Variants in SPATA16 observed in about 807,000 individuals in gnomAD.
SPATA16 encodes the protein spermatogenesis-associated protein 16.
SPATA16 carries 36 observed loss-of-function variants against 63.3 expected under a neutral mutation model. That is an observed-to-expected ratio of 0.57 (90% confidence interval 0.44 to 0.75). SPATA16 has a LOEUF of 0.75. SPATA16 is among the 30% of genes least tolerant of loss of function. SPATA16 has a pLI of 0.00. For missense variants in SPATA16, 646 were observed against 679.3 expected (o/e 0.95, Z 0.54); for synonymous variants, 203 against 216.7 (o/e 0.94, Z 0.56).
intron 4 of SPATA16, among the ~76,000 whole-genome samples, chr3:173,002,550 A>G (rs1300831859): frequency 6.6e-6 from 1 of 152,180 alleles, no homozygotes; most frequent in East Asian, 1.9e-4. Context: ...CAGAACCTAC[A>G]CTATTCTGAT....
chr3:172,949,226 A>G (rs4894439), intron 6 of SPATA16, among the ~76,000 whole-genome samples: 5,423 of 144,548 alleles, frequency 0.038, 152 homozygotes, highest in Admixed American at 0.11. Context: ...TAAAACTACT[A>G]AAAGCAATAA....
At chr3:173,035,622 A>G (rs1375791900) in intron 3 of SPATA16, among the ~76,000 whole-genome samples, 1 of 152,090 alleles carries the variant, frequency 6.6e-6, no homozygotes, top group Non-Finnish European at 1.5e-5. Context: ...CACATAATGG[A>G]AACACTTTTA....
At chr3:173,109,705 CA>C (rs1353617990) in intron 2 of SPATA16, among the ~76,000 whole-genome samples, 1 of 152,006 alleles carries the variant, frequency 6.6e-6, no homozygotes, top group Non-Finnish European at 1.5e-5. Context: ...AAAATATAAA[CA>C]ATAACACACT....
At chr3:173,042,355 G>A (rs922956585) in intron 3 of SPATA16, among the ~76,000 whole-genome samples, 3 of 152,014 alleles carry the variant, frequency 2.0e-5, no homozygotes, top group African/African-American at 7.2e-5. Flanking sequence ...CCAAGTAGCT[G>A]GGACTGTTAC....
At chr3:173,045,404 C>T (rs143208017) in intron 3 of SPATA16, among the ~76,000 whole-genome samples, 189 of 152,222 alleles carry the variant, frequency 1.2e-3, no homozygotes, top group Non-Finnish European at 1.9e-3. Context: ...GCCTGAAAGC[C>T]GTTGCCTCTT....
chr3:173,030,064 A>G (rs150082108), intron 3 of SPATA16, among the ~76,000 whole-genome samples: 44 of 30,738 alleles, frequency 1.4e-3, no homozygotes, highest in African/African-American at 5.9e-3. Context: ...TTTACTATCT[A>G]TCTATCTATC....
At chr3:172,966,271 T>G (rs1733917942) in intron 5 of SPATA16, among the ~76,000 whole-genome samples, 1 of 152,252 alleles carries the variant, frequency 6.6e-6, no homozygotes, top group Non-Finnish European at 1.5e-5. Context: ...GTTACATCTC[T>G]GATTTGCATC....
intron 4 of SPATA16, among the ~76,000 whole-genome samples, chr3:173,017,368 G>T (rs2108275123): frequency 6.6e-6 from 1 of 152,256 alleles, no homozygotes; most frequent in East Asian, 1.9e-4. Context: ...AAGGGCAGTG[G>T]AATAGTCTGT....
chr3:173,004,271 G>C (rs1243757565), intron 4 of SPATA16, among the ~76,000 whole-genome samples: 1 of 152,060 alleles, frequency 6.6e-6, no homozygotes, highest in Non-Finnish European at 1.5e-5. Flanking sequence ...GGAAAGAAGG[G>C]GAGTTGGAGT....
intron 5 of SPATA16, among the ~76,000 whole-genome samples, chr3:172,965,733 G>A (rs763851196): frequency 6.6e-6 from 1 of 151,884 alleles, no homozygotes; most frequent in East Asian, 1.9e-4. Context: ...CTGGGTTCAA[G>A]CGATTGTCTA....
intron 10 of SPATA16, 65 bp downstream of exon 10, chr3:172,913,596 T>A (rs753556498): frequency 3.3e-6 from 5 of 1,516,250 alleles, no homozygotes; most frequent in Non-Finnish European, 4.6e-6. Context: ...TCCAAACAGA[T>A]TTGACCCAAA....
intron 3 of SPATA16, among the ~76,000 whole-genome samples, chr3:173,021,604 A>C (rs1735332242): frequency 6.6e-6 from 1 of 152,166 alleles, no homozygotes; most frequent in Admixed American, 6.5e-5. Context: ...TTTTGTCCCT[A>C]TAGAAGCAAT....
intron 6 of SPATA16, among the ~76,000 whole-genome samples, chr3:172,956,203 G>C (rs1733590915): frequency 6.6e-6 from 1 of 152,072 alleles, no homozygotes; most frequent in Non-Finnish European, 1.5e-5. Flanking sequence ...TGTCCTCTAT[G>C]GGACTCTTAG....
At chr3:172,909,216 A>T (rs532425995) in intron 10 of SPATA16, among the ~76,000 whole-genome samples, 1 of 152,214 alleles carries the variant, frequency 6.6e-6, no homozygotes, top group Non-Finnish European at 1.5e-5. Context: ...GGGACACACA[A>T]CCACAGTCCT....
chr3:173,028,023 TTTCCTTCCTTCC>T lies in SPATA16; in HGVS notation c.759-8460_759-8449del, dbSNP rs1224712418. Among the ~76,000 whole-genome samples the T allele has an allele frequency of 8.6e-3, 314 of 36,656 alleles. 7 individuals carry two copies. The highest frequency in any genetic ancestry group is 0.02 in the South Asian group (12 of 596). 24.0% of individuals were successfully genotyped at this position (36,656 alleles called of 152,430 possible). ...CCTCCCTCCCTCCCTCCCTTCCTTC[TTTCCTTCCTTCC>T]TTCCTTCCTTCCTTCCTTCCTTCCT... On this transcript the variant is annotated intron_variant, in intron 3 of 10. Coordinates refer to ENST00000351008, the MANE Select transcript of SPATA16 (RefSeq NM_031955.6).
chr3:173,028,749 TAA>T (rs973201051), intron 3 of SPATA16, among the ~76,000 whole-genome samples: 1 of 152,008 alleles, frequency 6.6e-6, no homozygotes, highest in African/African-American at 2.4e-5. Flanking sequence ...TAAATCAATA[TAA>T]CACATTGTTT....
chr3:173,107,111 T>C (rs1178322530), intron 2 of SPATA16, among the ~76,000 whole-genome samples: 1 of 152,166 alleles, frequency 6.6e-6, no homozygotes, highest in Non-Finnish European at 1.5e-5. Flanking sequence ...ATAAGACTTC[T>C]TTCTAAAACC....
Position 173,105,906 on chromosome 3 carries a change from A to AAAG in SPATA16, c.612+11211_612+11213dup, listed in dbSNP as rs148053319. 8.5e-3 allele frequency among the ~76,000 whole-genome samples: 1,287 copies of AAAG among 152,090 alleles called. 17 individuals carry two copies. The highest frequency in any genetic ancestry group is 0.029 in the African/African-American group (1,221 of 41,476). On this transcript the variant is annotated intron_variant, in intron 2 of 10. Coordinates refer to ENST00000351008, the MANE Select transcript of SPATA16 (RefSeq NM_031955.6). ...ATAGAGATATATCTGGATACGTAAC[A>AAAG]AAGTTTTTACAAAGTAAAACTTACC... is the stretch of plus-strand genomic sequence containing the variant.
At chr3:172,976,872 G>T in intron 5 of SPATA16, 96 bp downstream of exon 5, 2 of 938,820 alleles carry the variant, frequency 2.1e-6, no homozygotes, top group Non-Finnish European at 3.5e-6. Flanking sequence ...TATGCCCAGA[G>T]CTACCTTTTT....
Sources: gnomAD v4.1 joint callset for allele counts (sites outside exome capture counted in the v4.1 genomes callset) on GRCh38, gnomAD v4.1.1 for gene constraint, MANE v1.5 for transcripts, NCBI Gene and HGNC (gene_info 2026-07-23, HGNC 2026-07-21) for gene names.